Variants in TAAR1 observed in about 807,000 individuals in gnomAD.
TAAR1 encodes the protein trace amine-associated receptor 1.
In TAAR1, 1 loss-of-function variant was observed where a neutral mutation model predicts 1.2. The observed-to-expected ratio is 0.81, with a 90% confidence interval of 0.29 to 3.86. TAAR1 has a LOEUF of 3.86. Ranked by LOEUF, TAAR1 falls within the 30% of genes most tolerant of loss-of-function variation. The probability of loss-of-function intolerance (pLI) is 0.18; values close to 1 mark genes in which losing one functional copy is unlikely to be tolerated. For synonymous variants in TAAR1, 153 were observed against 132.2 expected, an observed-to-expected ratio of 1.16 and a Z score of -1.08; for missense variants, 445 against 405.6, an observed-to-expected ratio of 1.10 and a Z score of -0.83.
At chr6:132,653,599 T>C (rs1426452191) in intron 1 of TAAR1, among the ~76,000 whole-genome samples, 2 of 152,242 alleles carry the variant, frequency 1.3e-5, no homozygotes, top group African/African-American at 2.4e-5. Context: ...CTTTTTGCTC[T>C]AGAACTTTTG....
chr6:132,650,494 C>T (rs1213777906), intron 1 of TAAR1, among the ~76,000 whole-genome samples: 3 of 152,198 alleles, frequency 2.0e-5, no homozygotes, highest in South Asian at 2.1e-4. Context: ...AATCCTACTC[C>T]ATTTCCCTGT....
chr6:132,646,360 T>C (rs1406385270), intron 1 of TAAR1, among the ~76,000 whole-genome samples: 1 of 152,150 alleles, frequency 6.6e-6, no homozygotes, highest in Non-Finnish European at 1.5e-5. Flanking sequence ...ACTGCCACAT[T>C]TGTAGGTCAG....
At chr6:132,650,612 G>T (rs1777739606) in intron 1 of TAAR1, among the ~76,000 whole-genome samples, 1 of 152,034 alleles carries the variant, frequency 6.6e-6, no homozygotes, top group Non-Finnish European at 1.5e-5. Context: ...CTGTTTCACT[G>T]AAAAAAGTGA....
At chr6:132,655,882 C>T (rs1166932392) in intron 1 of TAAR1, among the ~76,000 whole-genome samples, 2 of 152,254 alleles carry the variant, frequency 1.3e-5, no homozygotes, top group East Asian at 3.9e-4. Flanking sequence ...CCTTGATTGT[C>T]GGTTTAGAGA....
At chr6:132,656,221 TG>T (rs1362395805) in intron 1 of TAAR1, among the ~76,000 whole-genome samples, 4 of 152,172 alleles carry the variant, frequency 2.6e-5, no homozygotes, top group Non-Finnish European at 5.9e-5. Flanking sequence ...CTTATGAAGC[TG>T]GAATGAGTTA....
At chr6:132,658,748 T>C (rs930729520) in intron 1 of TAAR1, among the ~76,000 whole-genome samples, 24 of 152,178 alleles carry the variant, frequency 1.6e-4, no homozygotes, top group African/African-American at 5.8e-4. Context: ...AACTAGCCAA[T>C]GTACACAGCA....
In TAAR1 at chr6:132,645,325, C is replaced by T; in HGVS notation, c.679G>A (p.Ala227Thr). 1 of 1,613,496 alleles carries T rather than the reference C, an allele frequency of 6.2e-7. No homozygotes were observed. Among genetic ancestry groups the T allele is most frequent in the Non-Finnish European group, 8.5e-7 (1 of 1,179,722 alleles). The change falls in exon 2 of 2, where the codon GCC (alanine) becomes ACC (threonine). Residue 227 changes from alanine to threonine, a missense_variant. By Grantham distance (58) the Ala-to-Thr change is moderately conservative (BLOSUM62 0). Transcript: ENST00000275216. ...AATCCAATTTGGAGCTTCTGATTGGCATCACTAATTAATCTTGCCTGTTCT... is the reference window on the plus strand; with the variant it reads ...AATCCAATTTGGAGCTTCTGATTGGTATCACTAATTAATCTTGCCTGTTCT... ...AKEQARLISD[A>T]NQKLQIGLEM... is the part of the protein sequence containing the mutation.
intron 1 of TAAR1, among the ~76,000 whole-genome samples, chr6:132,655,120 C>CTA (rs1352809373): frequency 6.6e-6 from 1 of 152,024 alleles, no homozygotes; most frequent in African/African-American, 2.4e-5. Flanking sequence ...GCCAAGTCAA[C>CTA]TAGAAAAGGC....
chr6:132,658,106 CAAT>C (rs1434888928), intron 1 of TAAR1, among the ~76,000 whole-genome samples: 1 of 151,940 alleles, frequency 6.6e-6, no homozygotes, highest in Non-Finnish European at 1.5e-5. Flanking sequence ...GTAAAATAGA[CAAT>C]AATAATTTTA....
At chr6:132,651,359 C>A (rs1777746303) in intron 1 of TAAR1, among the ~76,000 whole-genome samples, 1 of 152,160 alleles carries the variant, frequency 6.6e-6, no homozygotes, top group Non-Finnish European at 1.5e-5. Flanking sequence ...TCCCTCTGAA[C>A]TCTGGACTAG....
chr6:132,649,877 A>G (rs1298610717), intron 1 of TAAR1, among the ~76,000 whole-genome samples: 1 of 152,050 alleles, frequency 6.6e-6, no homozygotes, highest in Non-Finnish European at 1.5e-5. Flanking sequence ...GCAGGCATGT[A>G]CAGACTCCCA....
chr6:132,644,944 G>A lies in TAAR1; in HGVS notation c.*40C>T. ...TTCGTTATGTTGTGTTCATAAATAT[G>A]ATCATCAACCGATTTGCAAAACAGT... On this transcript the variant is annotated 3_prime_UTR_variant, in exon 2 of 2. Coordinates refer to ENST00000275216, the MANE Select transcript of TAAR1 (RefSeq NM_138327.4). 1 of 1,454,006 alleles carries A rather than the reference G, an allele frequency of 6.9e-7. No individual in the cohort carries two copies. The highest frequency in any genetic ancestry group is 1.5e-5 in the South Asian group (1 of 68,620). 90.1% of individuals were successfully genotyped at this position (1,454,006 alleles called of 1,614,324 possible).
rs1336717991 is a variant in TAAR1 at position 132,647,622 on chromosome 6, AGGAAAG to A, written c.-126-1499_-126-1494del. On this transcript the variant is annotated intron_variant, in intron 1 of 1. Transcript: ENST00000275216. ...AGAAAGAAAAAAGAAAGAAAGAAAA[AGGAAAG>A]AAAGAAAGAAAGAAAGAAAGAAAGA... Among the ~76,000 whole-genome samples the A allele has an allele frequency of 3.5e-3, 347 of 98,710 alleles. 11 individuals are homozygous for A. Among genetic ancestry groups the A allele is most frequent in the African/African-American group, 0.01 (325 of 31,326 alleles). 64.8% of individuals were successfully genotyped at this position (98,710 alleles called of 152,430 possible).
chr6:132,656,854 G>C (rs1777808942), intron 1 of TAAR1, among the ~76,000 whole-genome samples: 1 of 152,080 alleles, frequency 6.6e-6, no homozygotes, highest in African/African-American at 2.4e-5. Context: ...AGTCAAAAGG[G>C]TGATCATATA....
intron 1 of TAAR1, among the ~76,000 whole-genome samples, chr6:132,647,623 G>GAAAGAAA (rs201011015): frequency 1.1e-4 from 11 of 103,118 alleles, no homozygotes; most frequent in East Asian, 8.0e-4. Flanking sequence ...GAAAGAAAAA[G>GAAAGAAA]GAAAGAAAGA....
chr6:132,644,833 C>A lies in TAAR1; in HGVS notation c.*151G>T. ...TACTATGTCCCAAATAGGAAATTAC[C>A]TATAAGCATCATAATTTAACTCACC... is the stretch of plus-strand genomic sequence containing the variant. On this transcript the variant is annotated 3_prime_UTR_variant, in exon 2 of 2. Coordinates refer to ENST00000275216, the MANE Select transcript of TAAR1 (RefSeq NM_138327.4). 1 of 618,762 alleles carries A rather than the reference C, an allele frequency of 1.6e-6. No individual in the cohort carries two copies. The highest frequency in any genetic ancestry group is 2.5e-5 in the South Asian group (1 of 39,704). 38.3% of individuals were successfully genotyped at this position (618,762 alleles called of 1,614,324 possible).
intron 1 of TAAR1, among the ~76,000 whole-genome samples, chr6:132,656,810 G>A (rs66672387): frequency 0.06 from 9,076 of 152,090 alleles, 312 homozygotes; most frequent in East Asian, 0.11. Context: ...AAATTATGAG[G>A]GAAATAGGAT....
At chr6:132,649,131 A>G in intron 1 of TAAR1, among the ~76,000 whole-genome samples, 1 of 151,818 alleles carries the variant, frequency 6.6e-6, no homozygotes, top group Admixed American at 6.6e-5. Flanking sequence ...TCTCTATACT[A>G]CTCTACTCAT....
At chr6:132,652,412 T>A (rs1195931614) in intron 1 of TAAR1, among the ~76,000 whole-genome samples, 2 of 150,382 alleles carry the variant, frequency 1.3e-5, no homozygotes, top group African/African-American at 4.9e-5. Context: ...GTTCAAGCAA[T>A]TCTCCTGCCT....
Sources: gnomAD v4.1 joint callset for allele counts (sites outside exome capture counted in the v4.1 genomes callset) on GRCh38, gnomAD v4.1.1 for gene constraint, MANE v1.5 for transcripts, NCBI Gene and HGNC (gene_info 2026-07-23, HGNC 2026-07-21) for gene names.